The following MYRIP variants were observed in gnomAD, a reference collection of about 807,000 sequenced individuals.
MYRIP encodes the protein rab effector MyRIP.
A neutral mutation model predicts 98.0 loss-of-function variants in MYRIP; 49 were observed. The observed-to-expected ratio is 0.50, with a 90% confidence interval of 0.40 to 0.63. The LOEUF (loss-of-function observed/expected upper bound fraction) is 0.63. Among genes scored for constraint, MYRIP ranks in the 30% least tolerant of loss-of-function variants. MYRIP has a pLI of 0.00. For synonymous variants in MYRIP, 404 were observed against 409.5 expected, an observed-to-expected ratio of 0.99 and a Z score of 0.16; for missense variants, 1,004 against 1,058.2, an observed-to-expected ratio of 0.95 and a Z score of 0.71.
intron 4 of MYRIP, among the ~76,000 whole-genome samples, chr3:40,162,453 G>A (rs1461788832): frequency 6.6e-6 from 1 of 152,178 alleles, no homozygotes; most frequent in Non-Finnish European, 1.5e-5. Context: ...TTAGTCTTTT[G>A]TTCTGTCTTT....
In MYRIP at chr3:40,115,177, A is replaced by T. The variant is rs144935461; in HGVS notation, c.333-35871A>T. Among the ~76,000 whole-genome samples, 1,327 of 152,324 alleles carry T rather than the reference A, an allele frequency of 8.7e-3. 10 individuals are homozygous for T. The highest frequency in any genetic ancestry group is 0.017 in the Middle Eastern group (5 of 294). On this transcript the variant is annotated intron_variant, in intron 3 of 16. Transcript: ENST00000302541. ...AGTTGCTCCTAGTGTGAAATTGATC[A>T]TCCAAGGAAGACAAATGTCTCATTC... is the stretch of plus-strand genomic sequence containing the variant.
At chr3:40,105,465 C>A (rs960711366) in intron 3 of MYRIP, among the ~76,000 whole-genome samples, 1 of 152,074 alleles carries the variant, frequency 6.6e-6, no homozygotes, top group Non-Finnish European at 1.5e-5. Flanking sequence ...CCTTAGGGAG[C>A]CTTTACTCAT....
At chr3:40,145,197 C>G (rs1949983513) in intron 3 of MYRIP, among the ~76,000 whole-genome samples, 1 of 152,148 alleles carries the variant, frequency 6.6e-6, no homozygotes, top group African/African-American at 2.4e-5. Flanking sequence ...TCCACCAGCA[C>G]CCGTACCCAT....
At chr3:40,034,565 T>A (rs369126829) in intron 2 of MYRIP, among the ~76,000 whole-genome samples, 6,022 of 144,572 alleles carry the variant, frequency 0.042, 177 homozygotes, top group East Asian at 0.11. Context: ...TTAAAAAGTC[T>A]GGAAACAACA....
At chr3:39,860,046 C>A (rs1559499397) in intron 1 of MYRIP, among the ~76,000 whole-genome samples, 1 of 152,040 alleles carries the variant, frequency 6.6e-6, no homozygotes, top group Non-Finnish European at 1.5e-5. Context: ...CATACAAATG[C>A]AAAAAGAAGT....
chr3:39,839,645 G>A (rs1267120875), intron 1 of MYRIP, among the ~76,000 whole-genome samples: 1 of 152,130 alleles, frequency 6.6e-6, no homozygotes, highest in Non-Finnish European at 1.5e-5. Context: ...AAATTAAACA[G>A]TGGTTTAGCT....
At chr3:40,007,963 A>G (rs1320560320) in intron 2 of MYRIP, among the ~76,000 whole-genome samples, 1 of 152,250 alleles carries the variant, frequency 6.6e-6, no homozygotes. Flanking sequence ...AAGAACACCC[A>G]GACCTTTCTA....
At chr3:40,187,579 CTGCCAGGT>C (rs796707296) in intron 9 of MYRIP, among the ~76,000 whole-genome samples, 12 of 152,360 alleles carry the variant, frequency 7.9e-5, no homozygotes, top group African/African-American at 2.9e-4. Flanking sequence ...GATCACATAG[CTGCCAGGT>C]GGCTGAGTGG....
At chr3:40,031,297 C>G (rs983288727) in intron 2 of MYRIP, among the ~76,000 whole-genome samples, 2 of 152,040 alleles carry the variant, frequency 1.3e-5, no homozygotes, top group African/African-American at 4.8e-5. Context: ...CTAATCACCT[C>G]CTAAAAACAT....
intron 8 of MYRIP, among the ~76,000 whole-genome samples, chr3:40,171,696 A>G (rs1950617905): frequency 6.6e-6 from 1 of 152,220 alleles, no homozygotes; most frequent in South Asian, 2.1e-4. Flanking sequence ...GTGTCTGTAA[A>G]GTGGAAATAA....
chr3:40,110,772 C>T (rs1949141117), intron 3 of MYRIP, among the ~76,000 whole-genome samples: 1 of 152,124 alleles, frequency 6.6e-6, no homozygotes, highest in African/African-American at 2.4e-5. Flanking sequence ...CAGGCCACTC[C>T]TCTCCTCTCT....
At chr3:39,847,858 G>A (rs537374621) in intron 1 of MYRIP, among the ~76,000 whole-genome samples, 2 of 152,206 alleles carry the variant, frequency 1.3e-5, no homozygotes, top group African/African-American at 2.4e-5. Flanking sequence ...CACCCCCCAA[G>A]GATTTCCCTG....
chr3:40,184,970 G>A (rs1228069428), intron 9 of MYRIP, among the ~76,000 whole-genome samples: 2 of 152,324 alleles, frequency 1.3e-5, no homozygotes, highest in East Asian at 1.9e-4. Flanking sequence ...TTTAGCCCTT[G>A]ACATGCTAAA....
intron 1 of MYRIP, among the ~76,000 whole-genome samples, chr3:39,878,750 A>G (rs577834235): frequency 6.6e-6 from 1 of 152,250 alleles, no homozygotes; most frequent in East Asian, 1.9e-4. Context: ...GAAAAATACT[A>G]CAACTTCTTT....
chr3:40,069,770 G>A (rs111570594), intron 3 of MYRIP, among the ~76,000 whole-genome samples: 4 of 152,098 alleles, frequency 2.6e-5, no homozygotes, highest in South Asian at 2.1e-4. Flanking sequence ...TCCCACTTAC[G>A]GTGTGCGGAG....
chr3:39,997,841 C>A (rs1197224881), intron 2 of MYRIP, among the ~76,000 whole-genome samples: 1 of 152,150 alleles, frequency 6.6e-6, no homozygotes, highest in African/African-American at 2.4e-5. Context: ...CCACCGTGAT[C>A]AAGTGGGCTT....
intron 3 of MYRIP, among the ~76,000 whole-genome samples, chr3:40,133,270 C>T (rs2679802): frequency 5.3e-5 from 8 of 152,212 alleles, no homozygotes; most frequent in African/African-American, 1.9e-4. Flanking sequence ...GAAAGATAAG[C>T]GCTTAAGAGG....
At chr3:40,044,588 T>C (rs1162554678) in intron 3 of MYRIP, among the ~76,000 whole-genome samples, 1 of 152,212 alleles carries the variant, frequency 6.6e-6, no homozygotes, top group Non-Finnish European at 1.5e-5. Context: ...GTTCATTGCA[T>C]AAGCATGTGT....
intron 2 of MYRIP, among the ~76,000 whole-genome samples, chr3:40,041,938 ACACT>A (rs1311444954): frequency 9.2e-6 from 1 of 108,682 alleles, no homozygotes; most frequent in Non-Finnish European, 1.9e-5. Flanking sequence ...TAAAATGTAA[ACACT>A]CAGTAAATCT....
Sources: allele counts gnomAD v4.1 joint callset (sites outside exome capture counted in the v4.1 genomes callset), GRCh38; gene constraint gnomAD v4.1.1; transcripts MANE v1.5; gene names NCBI Gene and HGNC (gene_info 2026-07-23, HGNC 2026-07-21).